COL19A1: variants seen among roughly 807,000 people sequenced by gnomAD.
The protein encoded by COL19A1 is collagen alpha-1(XIX) chain.
Under a neutral mutation model 190.2 loss-of-function variants are expected in COL19A1, and 159 were observed. The observed-to-expected ratio is 0.84, with a 90% CI of 0.73 to 0.95. COL19A1 has a LOEUF of 0.95. Among genes scored for constraint, COL19A1 ranks in the 40% least tolerant of loss-of-function variants. COL19A1 has a pLI of 0.00. For synonymous variants in COL19A1, 509 were observed against 458.9 expected (o/e 1.11, Z -1.39); for missense variants, 1,418 against 1,431.9 (o/e 0.99, Z 0.16).
At chr6:70,025,125 G>T (rs1381441222) in intron 12 of COL19A1, among the ~76,000 whole-genome samples, 3 of 151,826 alleles carry the variant, frequency 2.0e-5, no homozygotes, top group African/African-American at 7.3e-5. Flanking sequence ...CCGCCTCCTG[G>T]GTTCACGCCA....
chr6:70,002,945 TG>T (rs563088720), intron 11 of COL19A1, among the ~76,000 whole-genome samples: 6 of 152,284 alleles, frequency 3.9e-5, no homozygotes, highest in Admixed American at 3.9e-4. Context: ...AGTTTGCTTT[TG>T]CCTCTCTAGC....
chr6:69,919,483 T>C (rs1427579048), intron 4 of COL19A1, among the ~76,000 whole-genome samples: 1 of 152,150 alleles, frequency 6.6e-6, no homozygotes, highest in Non-Finnish European at 1.5e-5. Flanking sequence ...CTCTATCTCA[T>C]GCCAAGATCT....
At chr6:69,996,938 G>GTGTGTGTGTA (rs1554186344) in intron 11 of COL19A1, among the ~76,000 whole-genome samples, 12 of 143,428 alleles carry the variant, frequency 8.4e-5, no homozygotes, top group East Asian at 5.9e-4. Context: ...GTGTGTGTGT[G>GTGTGTGTGTA]TATATATATG....
chr6:69,980,197 A>G (rs1471131978), intron 11 of COL19A1, among the ~76,000 whole-genome samples: 1 of 152,082 alleles, frequency 6.6e-6, no homozygotes, highest in Non-Finnish European at 1.5e-5. Context: ...TGTCATAGTA[A>G]CAAAATAAAT....
rs181478020 is a variant in COL19A1 at position 69,989,936 on chromosome 6, G to A, written c.1026+27066G>A. Among the ~76,000 whole-genome samples, 178 of 152,112 alleles carry A rather than the reference G, an allele frequency of 1.2e-3. 2 individuals carry two copies. In the South Asian group the frequency reaches 0.014, roughly 12 times the overall value. ...TCTATAAGATCTTATATAAATGCTAGACTTCAATTGTGAATGAGTAATTTT... is the reference window on the plus strand; with the variant it reads ...TCTATAAGATCTTATATAAATGCTAAACTTCAATTGTGAATGAGTAATTTT... On this transcript the variant is annotated intron_variant, in intron 11 of 50. Transcript: ENST00000620364.
chr6:70,176,585 A>G (rs1765818725), intron 42 of COL19A1, 21 bp downstream of exon 42: 2 of 1,611,610 alleles, frequency 1.2e-6, no homozygotes, highest in South Asian at 1.1e-5. Flanking sequence ...ATTACTTCAC[A>G]TCATTTTCAC....
chr6:70,052,636 T>C (rs554471578), intron 14 of COL19A1, among the ~76,000 whole-genome samples: 1 of 152,318 alleles, frequency 6.6e-6, no homozygotes, highest in Non-Finnish European at 1.5e-5. Flanking sequence ...TAGTTTCCTA[T>C]ATAATCTATT....
chr6:69,947,196 C>A (rs1208815094), intron 9 of COL19A1, among the ~76,000 whole-genome samples: 1 of 151,672 alleles, frequency 6.6e-6, no homozygotes, highest in East Asian at 1.9e-4. Flanking sequence ...AAAAATTAGG[C>A]AGTTTATGTA....
At chr6:69,922,146 A>G (rs1278700245) in intron 4 of COL19A1, among the ~76,000 whole-genome samples, 1 of 151,768 alleles carries the variant, frequency 6.6e-6, no homozygotes, top group African/African-American at 2.4e-5. Flanking sequence ...ATTTTTTTTT[A>G]ATATTTTATT....
intron 25 of COL19A1, among the ~76,000 whole-genome samples, chr6:70,145,591 A>T (rs1463975808): frequency 6.6e-6 from 1 of 152,154 alleles, no homozygotes; most frequent in Non-Finnish European, 1.5e-5. Context: ...TTCCTTGGGT[A>T]GTGGGATCAT....
chr6:70,068,310 T>G, intron 14 of COL19A1, 113 bp from the exon 15 acceptor site: 1 of 758,200 alleles, frequency 1.3e-6, no homozygotes, highest in South Asian at 1.5e-5. Flanking sequence ...AGAGCTCAAA[T>G]TACTTTAAAA....
rs377324840 is a variant in COL19A1 at position 70,039,010 on chromosome 6, C to T, written c.1170+3071C>T. 2.2e-4 allele frequency among the ~76,000 whole-genome samples: 33 copies of T among 151,794 alleles called. No homozygotes were observed. The East Asian group carries it at 5.0e-3, about 23-fold the overall frequency. On this transcript the variant is annotated intron_variant, in intron 14 of 50. Coordinates refer to ENST00000620364, the MANE Select transcript of COL19A1 (RefSeq NM_001858.6). ...AGGCGGTTGCAGTGAGCCGAGATCG[C>T]GCCACTGCACTCCAGCCCAGCTGGA...
chr6:69,901,939 T>C (rs1354870643), intron 4 of COL19A1, among the ~76,000 whole-genome samples: 7 of 152,250 alleles, frequency 4.6e-5, no homozygotes, highest in Non-Finnish European at 1.0e-4. Flanking sequence ...GACAATGCTA[T>C]TTCTTTTTAA....
At chr6:70,033,169 T>C (rs759974933) in intron 12 of COL19A1, among the ~76,000 whole-genome samples, 3 of 152,188 alleles carry the variant, frequency 2.0e-5, no homozygotes, top group Non-Finnish European at 2.9e-5. Flanking sequence ...TAAAGTATAA[T>C]ACTACAATTT....
At chr6:69,975,255 A>G (rs1343611266) in intron 11 of COL19A1, among the ~76,000 whole-genome samples, 4 of 152,170 alleles carry the variant, frequency 2.6e-5, no homozygotes, top group African/African-American at 9.7e-5. Context: ...CATAACCTTC[A>G]TCTTGTAATG....
At chr6:70,141,044 C>G in intron 20 of COL19A1, 55 bp downstream of exon 20, 1 of 1,482,582 alleles carries the variant, frequency 6.7e-7, no homozygotes, top group Non-Finnish European at 9.3e-7. Flanking sequence ...ATTTGTTTCT[C>G]TCTGATTTTC....
chr6:70,079,359 G>C (rs1199625689), intron 15 of COL19A1, among the ~76,000 whole-genome samples: 1 of 152,198 alleles, frequency 6.6e-6, no homozygotes, highest in East Asian at 1.9e-4. Flanking sequence ...CTTAAGATGT[G>C]AGCTGAGTAG....
chr6:70,051,950 G>T (rs1050266841), intron 14 of COL19A1, among the ~76,000 whole-genome samples: 2 of 151,926 alleles, frequency 1.3e-5, no homozygotes, highest in African/African-American at 4.8e-5. Flanking sequence ...CTGTCCCCCA[G>T]GATTGCAAAC....
chr6:69,893,828 A>G (rs1443069077), intron 2 of COL19A1, among the ~76,000 whole-genome samples: 3 of 152,312 alleles, frequency 2.0e-5, no homozygotes, highest in African/African-American at 4.8e-5. Context: ...CCTCTGCACA[A>G]TAAAACTTGG....
Sources: gnomAD v4.1 joint callset for allele counts (sites outside exome capture counted in the v4.1 genomes callset) on GRCh38, gnomAD v4.1.1 for gene constraint, MANE v1.5 for transcripts, NCBI Gene and HGNC (gene_info 2026-07-23, HGNC 2026-07-21) for gene names.